CCDC7: variants seen among roughly 807,000 people sequenced by gnomAD.
CCDC7 encodes the protein coiled-coil domain containing 7, also known as coiled-coil domain-containing protein 7.
Under a neutral mutation model 196.9 loss-of-function variants are expected in CCDC7, and 183 were observed. That is an observed-to-expected ratio of 0.93 (90% CI 0.82 to 1.05). CCDC7 has a LOEUF of 1.05. Among genes scored for constraint, CCDC7 ranks in the 50% least tolerant of loss-of-function variants. CCDC7 has a pLI of 0.00. For missense variants in CCDC7, 1,540 were observed against 1,482.2 expected, an observed-to-expected ratio of 1.04 and a Z score of -0.64; for synonymous variants, 525 against 484.6, an observed-to-expected ratio of 1.08 and a Z score of -1.10.
At chr10:32,740,069 C>G (rs546268110) in intron 28 of CCDC7, among the ~76,000 whole-genome samples, 1 of 152,164 alleles carries the variant, frequency 6.6e-6, no homozygotes, top group African/African-American at 2.4e-5. Flanking sequence ...ACAGGAGACT[C>G]CTATGTTTTT....
chr10:32,678,450 G>C (rs1261866374), intron 21 of CCDC7, among the ~76,000 whole-genome samples: 1 of 152,144 alleles, frequency 6.6e-6, no homozygotes, highest in East Asian at 1.9e-4. Context: ...CAGGTCAGCT[G>C]TCAGGGTCCA....
intron 24 of CCDC7, among the ~76,000 whole-genome samples, chr10:32,696,890 T>C (rs886429327): frequency 6.6e-6 from 1 of 152,072 alleles, no homozygotes; most frequent in African/African-American, 2.4e-5. Context: ...TCACAATAAA[T>C]GAAAAAAATT....
At chr10:32,565,743 G>A in intron 14 of CCDC7, 123 bp downstream of exon 15, 2 of 972,668 alleles carry the variant, frequency 2.1e-6, no homozygotes, top group Admixed American at 3.1e-5. Flanking sequence ...TATTTGGCTA[G>A]GTTTAAACTA....
At chr10:32,613,568 C>A (rs773619451) in intron 18 of CCDC7, among the ~76,000 whole-genome samples, 5 of 152,180 alleles carry the variant, frequency 3.3e-5, no homozygotes, top group Non-Finnish European at 5.9e-5. Context: ...AAATTGCCCT[C>A]TAAACACTGC....
At chr10:32,633,011 G>A (rs2065086610) in intron 18 of CCDC7, among the ~76,000 whole-genome samples, 1 of 152,104 alleles carries the variant, frequency 6.6e-6, no homozygotes, top group Admixed American at 6.5e-5. Context: ...CTAATGCTTA[G>A]TTGTTCAGTC....
upstream of CCDC7, among the ~76,000 whole-genome samples, chr10:32,445,014 C>T (rs1438340166): frequency 4.6e-5 from 7 of 152,128 alleles, no homozygotes; most frequent in East Asian, 1.9e-4. Context: ...CCATCACGCC[C>T]GGCTAATTTT....
chr10:32,591,842 A>G (rs1261723862), intron 18 of CCDC7, among the ~76,000 whole-genome samples: 1 of 152,222 alleles, frequency 6.6e-6, no homozygotes, highest in Non-Finnish European at 1.5e-5. Context: ...GGGTAGGTCC[A>G]GAAATGCCAT....
chr10:32,683,491 A>G (rs368812514), intron 21 of CCDC7, among the ~76,000 whole-genome samples: 1 of 152,190 alleles, frequency 6.6e-6, no homozygotes, highest in Non-Finnish European at 1.5e-5. Flanking sequence ...TTATTGCTCC[A>G]TATGAATTTT....
chr10:32,495,146 T>C (rs2042718853), intron 9 of CCDC7, among the ~76,000 whole-genome samples: 1 of 152,242 alleles, frequency 6.6e-6, no homozygotes. Context: ...TAATGACCAG[T>C]GATGATGAGC....
chr10:32,699,510 A>C lies in CCDC7; in HGVS notation c.2458+4518A>C, dbSNP rs1193802826. Among the ~76,000 whole-genome samples the C allele has an allele frequency of 1.3e-5, 2 of 148,968 alleles. 1 individual carries two copies. The highest frequency in any genetic ancestry group is 5.2e-5 in the African/African-American group (2 of 38,340). On this transcript the variant is annotated intron_variant, in intron 24 of 41. Transcript: ENST00000639629. ...GCTATTGTGAATAGTGCCACAATAA[A>C]CATACGTGTGCATGTGTCTTTATAG... is the stretch of plus-strand genomic sequence containing the variant.
chr10:32,818,737 G>A (rs2135523071), intron 31 of CCDC7, among the ~76,000 whole-genome samples: 1 of 152,216 alleles, frequency 6.6e-6, no homozygotes, highest in East Asian at 1.9e-4. Context: ...CGAAATGAAG[G>A]CAGAAATAAA....
intron 13 of CCDC7, among the ~76,000 whole-genome samples, chr10:32,560,919 G>A (rs1368446627): frequency 6.7e-6 from 1 of 150,148 alleles, no homozygotes; most frequent in Non-Finnish European, 1.5e-5. Context: ...GCTGTATTCA[G>A]GAAACCATCT....
Position 32,564,708 on chromosome 10 carries a change from C to T in CCDC7, c.1135-850C>T, listed in dbSNP as rs556111761. 1.1e-4 allele frequency among the ~76,000 whole-genome samples: 17 copies of T among 151,892 alleles called. No homozygotes were observed. The South Asian group carries it at 1.2e-3, about 11-fold the overall frequency. On this transcript the variant is annotated intron_variant, in intron 13 of 41. Coordinates refer to ENST00000639629, the Ensembl canonical transcript of CCDC7. The stretch of plus-strand genomic sequence containing the variant: ...GGAGATATACCTAATGCTATAATGA[C>T]GAGTTAATGGGTGCAGCACACCAGC...
chr10:32,784,818 A>G (rs1462109043), intron 29 of CCDC7, among the ~76,000 whole-genome samples: 2 of 152,008 alleles, frequency 1.3e-5, no homozygotes, highest in African/African-American at 2.4e-5. Flanking sequence ...CCTGGCCCAC[A>G]TGGTGAAGCC....
In CCDC7 at chr10:32,453,443, A is replaced by G; in HGVS notation, c.372+7A>G. On this transcript the variant is annotated splice_region_variant and intron_variant, in intron 2 of 41. Transcript: ENST00000639629. ...TGAAGAATTATCTTTATCTGTAAGT[A>G]TATGCAACCCTAATATAGAGACATT... The G allele has an allele frequency of 6.6e-6, 10 of 1,510,770 alleles. No homozygotes were observed. The highest frequency in any genetic ancestry group is 8.9e-6 in the Non-Finnish European group (10 of 1,129,526). 93.6% of individuals were successfully genotyped at this position (1,510,770 alleles called of 1,614,324 possible).
At chr10:32,660,821 A>T (rs1318996746) in intron 20 of CCDC7, among the ~76,000 whole-genome samples, 2 of 149,570 alleles carry the variant, frequency 1.3e-5, no homozygotes, top group Admixed American at 6.7e-5. Context: ...TACAAAAATC[A>T]ATTCAAGATG....
chr10:32,560,340 C>T (rs1487028993), intron 13 of CCDC7, among the ~76,000 whole-genome samples: 8 of 151,842 alleles, frequency 5.3e-5, no homozygotes, highest in East Asian at 1.9e-4. Context: ...AGATACTCCT[C>T]GAGAAGAGCA....
At chr10:32,744,112 A>G (rs541010383) in intron 28 of CCDC7, among the ~76,000 whole-genome samples, 79 of 151,582 alleles carry the variant, frequency 5.2e-4, no homozygotes, top group African/African-American at 1.9e-3. Flanking sequence ...CATTGTGCAC[A>G]TGTATCCTAG....
At chr10:32,587,463 C>T (rs1363607638) in intron 18 of CCDC7, among the ~76,000 whole-genome samples, 8 of 152,124 alleles carry the variant, frequency 5.3e-5, no homozygotes, top group Non-Finnish European at 1.0e-4. Flanking sequence ...CCCCCTCCTA[C>T]AATAATGGCA....
Sources: allele counts gnomAD v4.1 joint callset (sites outside exome capture counted in the v4.1 genomes callset), GRCh38; gene constraint gnomAD v4.1.1; transcripts MANE v1.5; gene names NCBI Gene and HGNC (gene_info 2026-07-23, HGNC 2026-07-21).